Variants in RYR2 observed in about 807,000 individuals in gnomAD.
RYR2 encodes the protein ryanodine receptor 2.
Under a neutral mutation model 601.1 loss-of-function variants are expected in RYR2, and 227 were observed. The observed-to-expected ratio is 0.38, with a 90% confidence interval of 0.34 to 0.42. RYR2 has a LOEUF of 0.42. Among genes scored for constraint, RYR2 ranks in the 10% least tolerant of loss-of-function variants. The pLI is 1.00. For missense variants in RYR2, 4,646 were observed against 6,156.5 expected (o/e 0.75, Z 8.21); for synonymous variants, 2,223 against 2,175.1 (o/e 1.02, Z -0.61).
intron 2 of RYR2, among the ~76,000 whole-genome samples, chr1:237,298,453 T>C (rs546424443): frequency 6.6e-6 from 1 of 152,206 alleles, no homozygotes; most frequent in African/African-American, 2.4e-5. Flanking sequence ...ATCATTGGTG[T>C]AGGCTTTACA....
chr1:237,770,556 C>G (rs572642671), intron 84 of RYR2, among the ~76,000 whole-genome samples: 2 of 152,238 alleles, frequency 1.3e-5, no homozygotes, highest in Non-Finnish European at 2.9e-5. Flanking sequence ...GTTGCCAAAC[C>G]CATGCTGCTA....
chr1:237,096,277 GT>G (rs1486203512), intron 1 of RYR2, among the ~76,000 whole-genome samples: 1 of 152,164 alleles, frequency 6.6e-6, no homozygotes, highest in Non-Finnish European at 1.5e-5. Context: ...GGCTTGTTTT[GT>G]TTTGGGATTA....
Position 237,589,774 on chromosome 1 carries a change from A to G in RYR2, c.3599-19A>G. 1.3e-6 allele frequency: 2 copies of G among 1,579,170 alleles called. No individual in the cohort carries two copies. The highest frequency in any genetic ancestry group is 1.7e-6 in the Non-Finnish European group (2 of 1,154,476). ...CATATACTAATGGTACTAAAACTTG[A>G]TTTTTTTTTTCTTCCCAGGATTCAT... On this transcript the variant is annotated intron_variant, in intron 29 of 104. Coordinates refer to ENST00000366574, the MANE Select transcript of RYR2 (RefSeq NM_001035.3).
rs548815938 is a variant in RYR2 at position 237,156,419 on chromosome 1, G to A, written c.48+113850G>A. Among the ~76,000 whole-genome samples the A allele has an allele frequency of 2.1e-3, 325 of 152,232 alleles. 1 individual carries two copies. The highest frequency in any genetic ancestry group is 2.4e-3 in the Non-Finnish European group (161 of 68,024). On this transcript the variant is annotated intron_variant, in intron 1 of 104. Transcript: ENST00000366574. ...ACTTACCTCCTGGAGGTTTTACAAT[G>A]CATATTAGTAAAGAATCTGAGATGT...
chr1:237,659,302 T>C (rs952186650), intron 54 of RYR2, among the ~76,000 whole-genome samples: 32 of 152,198 alleles, frequency 2.1e-4, no homozygotes, highest in Non-Finnish European at 4.7e-4. Flanking sequence ...ATATAAAAAC[T>C]CTGCTAAATA....
intron 1 of RYR2, among the ~76,000 whole-genome samples, chr1:237,212,510 C>G (rs889219166): frequency 1.3e-5 from 2 of 151,954 alleles, no homozygotes; most frequent in Non-Finnish European, 2.9e-5. Flanking sequence ...GAGGCTGCTG[C>G]GGGAGGATCA....
Position 237,785,952 on chromosome 1 carries a change from C to T in RYR2, c.13261-17C>T, listed in dbSNP as rs2149359815. 6.4e-7 allele frequency: 1 copy of T among 1,565,832 alleles called. No individual in the cohort carries two copies. The highest frequency in any genetic ancestry group is 8.7e-7 in the Non-Finnish European group (1 of 1,146,196). On this transcript the variant is annotated splice_polypyrimidine_tract_variant and intron_variant, in intron 90 of 104. Coordinates refer to ENST00000366574, the MANE Select transcript of RYR2 (RefSeq NM_001035.3). ...ATGGGTAATCCTGGTTTTCTTTTCC[C>T]CATTGACTCATTCAAGGAACAGAAG...
chr1:237,693,047 A>G (rs1458190212), intron 63 of RYR2, among the ~76,000 whole-genome samples: 1 of 152,226 alleles, frequency 6.6e-6, no homozygotes, highest in Non-Finnish European at 1.5e-5. Flanking sequence ...AGTCTAATAG[A>G]GAAGGTAGAT....
rs761075666 is a variant in RYR2 at position 237,185,146 on chromosome 1, G to A, written c.49-85351G>A. Among the ~76,000 whole-genome samples, 56 of 151,842 alleles carry A rather than the reference G, an allele frequency of 3.7e-4. 1 individual carries two copies. The highest frequency in any genetic ancestry group is 2.1e-4 in the South Asian group (1 of 4,812). Reference sequence around the variant, plus strand: ...CCCCCAAATAGTTGGTACTACAGGCGTACGTCACCACGCCTGGCTAATTTT... The same window carrying A: ...CCCCCAAATAGTTGGTACTACAGGCATACGTCACCACGCCTGGCTAATTTT... On this transcript the variant is annotated intron_variant, in intron 1 of 104. Coordinates refer to ENST00000366574, the MANE Select transcript of RYR2 (RefSeq NM_001035.3).
chr1:237,794,174 A>G (rs1469561638), intron 95 of RYR2, among the ~76,000 whole-genome samples, 177 bp downstream of exon 95: 2 of 152,188 alleles, frequency 1.3e-5, no homozygotes, highest in Non-Finnish European at 2.9e-5. Context: ...GATGTCCTCA[A>G]TTTTTGCCCT....
chr1:237,766,191 G>T (rs751538838), intron 84 of RYR2, among the ~76,000 whole-genome samples: 10 of 152,104 alleles, frequency 6.6e-5, no homozygotes, highest in Non-Finnish European at 1.5e-4. Flanking sequence ...GCCCTGCCAA[G>T]GAATCTACAC....
intron 2 of RYR2, among the ~76,000 whole-genome samples, chr1:237,297,897 C>T (rs1002403697): frequency 4.6e-5 from 7 of 151,050 alleles, no homozygotes; most frequent in African/African-American, 1.5e-4. Flanking sequence ...ACTACAAGCA[C>T]GTGCTACCAT....
At chr1:237,308,372 T>C (rs1448845892) in intron 2 of RYR2, among the ~76,000 whole-genome samples, 1 of 152,190 alleles carries the variant, frequency 6.6e-6, no homozygotes, top group Non-Finnish European at 1.5e-5. Context: ...ATGAAGTAGC[T>C]GCCCTTTCAC....
intron 76 of RYR2, among the ~76,000 whole-genome samples, chr1:237,728,370 T>C (rs1690374134): frequency 6.6e-6 from 1 of 152,106 alleles, no homozygotes; most frequent in Admixed American, 6.6e-5. Context: ...TTTGGTCAGA[T>C]AGAATATTAA....
intron 1 of RYR2, among the ~76,000 whole-genome samples, chr1:237,081,590 T>C (rs1665672594): frequency 6.6e-6 from 1 of 152,070 alleles, no homozygotes; most frequent in South Asian, 2.1e-4. Context: ...GTTCCAGATA[T>C]GTGTTACATA....
At chr1:237,293,638 T>C (rs930376191) in intron 2 of RYR2, among the ~76,000 whole-genome samples, 1 of 152,196 alleles carries the variant, frequency 6.6e-6, no homozygotes, top group African/African-American at 2.4e-5. Flanking sequence ...GAAAACAGTT[T>C]ACTAATGTTT....
chr1:237,158,204 A>G (rs934430678), intron 1 of RYR2, among the ~76,000 whole-genome samples: 1 of 152,222 alleles, frequency 6.6e-6, no homozygotes, highest in Non-Finnish European at 1.5e-5. Context: ...ATAGAAAGTT[A>G]ATTACCATAA....
At chr1:237,584,649 GTTTT>G (rs61131096) in intron 29 of RYR2, among the ~76,000 whole-genome samples, 17 of 72,450 alleles carry the variant, frequency 2.3e-4, no homozygotes, top group African/African-American at 7.4e-4. Flanking sequence ...CTCACCACCT[GTTTT>G]TTTTTTTTTT....
At chr1:237,059,854 G>A (rs1662628494) in intron 1 of RYR2, among the ~76,000 whole-genome samples, 1 of 152,190 alleles carries the variant, frequency 6.6e-6, no homozygotes. Context: ...TCCAATATAT[G>A]TGTATTCTTT....
Sources: allele counts gnomAD v4.1 joint callset (sites outside exome capture counted in the v4.1 genomes callset), GRCh38; gene constraint gnomAD v4.1.1; transcripts MANE v1.5; gene names NCBI Gene and HGNC (gene_info 2026-07-23, HGNC 2026-07-21).